CCNYL1: variants seen among roughly 807,000 people sequenced by gnomAD.
CCNYL1 encodes the protein cyclin-Y-like protein 1.
A neutral mutation model predicts 44.2 loss-of-function variants in CCNYL1; 16 were observed. That is an observed-to-expected ratio of 0.36 (90% CI 0.25 to 0.55). The LOEUF is 0.55. Ranked by LOEUF, CCNYL1 falls within the 20% of genes least tolerant of loss-of-function variation. The probability of loss-of-function intolerance (pLI) is 0.85; values close to 1 mark genes in which losing one functional copy is unlikely to be tolerated. For synonymous variants in CCNYL1, 159 were observed against 163.2 expected, an observed-to-expected ratio of 0.97 and a Z score of 0.20; for missense variants, 348 against 451.8, an observed-to-expected ratio of 0.77 and a Z score of 2.08.
chr2:207,714,523 C>A, intron 1 of CCNYL1: 1 of 285,248 alleles, frequency 3.5e-6, no homozygotes, highest in Non-Finnish European at 6.9e-6. Flanking sequence ...AACAAAATGG[C>A]CTAAATATAC....
chr2:207,711,881 G>A lies in CCNYL1; in HGVS notation c.-16G>A, dbSNP rs1049177412. 11 of 1,367,654 alleles carry A rather than the reference G, an allele frequency of 8.0e-6. No homozygotes were observed. The highest frequency in any genetic ancestry group is 9.5e-6 in the Non-Finnish European group (10 of 1,055,822). The allele number at this position is 1,367,654 out of a possible 1,614,324, so 84.7% of individuals were successfully genotyped here. ...GGGCGAGCGAAGGCGGTGGCAGAGA[G>A]GAGCGGAGGCTTCCCATGGGGAACA... is the stretch of plus-strand genomic sequence containing the variant. On this transcript the variant is annotated 5_prime_UTR_variant, in exon 1 of 10. Transcript: ENST00000295414.
In CCNYL1 at chr2:207,754,514, G is replaced by A. The variant is rs531060205; in HGVS notation, c.*816G>A. ...GGTGGTTCAGTGACGATGAGAAAAA[G>A]TGAAGCAGTTTTAAGCTTGAATATA... On this transcript the variant is annotated 3_prime_UTR_variant, in exon 10 of 10. Coordinates refer to ENST00000295414, the MANE Select transcript of CCNYL1 (RefSeq NM_001330218.2). 6.5e-6 allele frequency: 1 copy of A among 152,792 alleles called. No individual in the cohort carries two copies. Among genetic ancestry groups the A allele is most frequent in the Admixed American group, 6.5e-5 (1 of 15,306 alleles). The allele number at this position is 152,792 out of a possible 1,614,324, so 9.5% of individuals were successfully genotyped here.
intron 1 of CCNYL1, among the ~76,000 whole-genome samples, chr2:207,720,042 G>T (rs1233523674): frequency 2.0e-5 from 3 of 151,982 alleles, no homozygotes; most frequent in Non-Finnish European, 2.9e-5. Flanking sequence ...ACAAAAATTA[G>T]TTGGGTGTGG....
intron 9 of CCNYL1, among the ~76,000 whole-genome samples, chr2:207,752,157 A>C (rs2091897912): frequency 6.6e-6 from 1 of 152,204 alleles, no homozygotes. Flanking sequence ...TATGTATCAC[A>C]GTGCAGTCCC....
rs971998316 is a variant in CCNYL1, at chr2:207,737,357, G to A, written c.432-54G>A. 5 of 1,362,730 alleles carry A rather than the reference G, an allele frequency of 3.7e-6. No homozygotes were observed. The African/African-American group carries it at 5.7e-5, about 16-fold the overall frequency. 84.4% of individuals were successfully genotyped at this position (1,362,730 alleles called of 1,614,324 possible). A position where few individuals can be genotyped will look rare whatever the true frequency, so the allele number is the denominator to read the frequency against. On this transcript the variant is annotated intron_variant, in intron 4 of 9. Transcript: ENST00000295414. ...TCCCTCATTTAAAAAATGTCTTCAGGCCTAACAAATGTTTAAATCAGTTGT... is the reference window on the plus strand; with the variant it reads ...TCCCTCATTTAAAAAATGTCTTCAGACCTAACAAATGTTTAAATCAGTTGT...
At chr2:207,729,051 C>T (rs374480250) in intron 3 of CCNYL1, among the ~76,000 whole-genome samples, 48 of 152,272 alleles carry the variant, frequency 3.2e-4, no homozygotes, top group African/African-American at 8.4e-4. Flanking sequence ...CCCGCCTCGG[C>T]GTCCCAAAGT....
intron 3 of CCNYL1, among the ~76,000 whole-genome samples, chr2:207,729,113 A>C (rs943640250): frequency 6.6e-6 from 1 of 151,980 alleles, no homozygotes; most frequent in Non-Finnish European, 1.5e-5. Flanking sequence ...TTTTCTTTTT[A>C]TTGGGACCAA....
Position 207,754,325 on chromosome 2 carries a change from T to C in CCNYL1, c.*627T>C, listed in dbSNP as rs1367951119. 2 of 152,684 alleles carry C rather than the reference T, an allele frequency of 1.3e-5. No homozygotes were observed. The highest frequency in any genetic ancestry group is 4.8e-5 in the African/African-American group (2 of 41,466). The allele number at this position is 152,684 out of a possible 1,614,324, so 9.5% of individuals were successfully genotyped here. ...CAAGCATTACTTTAGCATTTTAGCA[T>C]GTTTGGGGTCATAAACAGAGGAAGT... On this transcript the variant is annotated 3_prime_UTR_variant, in exon 10 of 10. Coordinates refer to ENST00000295414, the MANE Select transcript of CCNYL1 (RefSeq NM_001330218.2).
At chr2:207,752,883 C>CA (rs1412204140) in intron 9 of CCNYL1, among the ~76,000 whole-genome samples, 2 of 149,070 alleles carry the variant, frequency 1.3e-5, no homozygotes, top group African/African-American at 4.9e-5. Flanking sequence ...ACTAAAAATA[C>CA]AAAAAATTAG....
chr2:207,726,435 CTGGTTCT>C (rs2091680477), intron 2 of CCNYL1, among the ~76,000 whole-genome samples: 1 of 152,166 alleles, frequency 6.6e-6, no homozygotes, highest in Admixed American at 6.5e-5. Flanking sequence ...TAGCCAGAAA[CTGGTTCT>C]TAGAGCTGTC....
At chr2:207,742,387 G>A in intron 7 of CCNYL1, 45 bp downstream of exon 7, 1 of 1,565,278 alleles carries the variant, frequency 6.4e-7, no homozygotes, top group Non-Finnish European at 8.7e-7. Context: ...AATTAGTCTT[G>A]TACACAGGGT....
Position 207,730,615 on chromosome 2 carries a change from G to A in CCNYL1, c.331-3332G>A, listed in dbSNP as rs145308490. Reference sequence around the variant, plus strand: ...TCTACTAAAAATATAAAAATTAGCCGGGTGTGGTGGTGCACACCTGTAATC... The same window carrying A: ...TCTACTAAAAATATAAAAATTAGCCAGGTGTGGTGGTGCACACCTGTAATC... On this transcript the variant is annotated intron_variant, in intron 3 of 9. Transcript: ENST00000295414. Among the ~76,000 whole-genome samples, 644 of 152,144 alleles carry A rather than the reference G, an allele frequency of 4.2e-3. 4 individuals are homozygous for A. The highest frequency in any genetic ancestry group is 5.7e-3 in the Non-Finnish European group (387 of 68,002).
At chr2:207,717,096 G>C (rs564133045) in intron 1 of CCNYL1, among the ~76,000 whole-genome samples, 1 of 144,482 alleles carries the variant, frequency 6.9e-6, no homozygotes, top group East Asian at 2.0e-4. Flanking sequence ...GTGACGGAGC[G>C]AGACTCCATC....
rs1300682522 is a variant in CCNYL1 at position 207,756,066 on chromosome 2, G to T, written c.*2368G>T. 1.3e-5 allele frequency: 2 copies of T among 152,156 alleles called. No homozygotes were observed. Among genetic ancestry groups the T allele is most frequent in the African/African-American group, 4.8e-5 (2 of 41,440 alleles). The allele number at this position is 152,156 out of a possible 1,614,324, so 9.4% of individuals were successfully genotyped here. A position where few individuals can be genotyped will look rare whatever the true frequency, so the allele number is the denominator to read the frequency against. On this transcript the variant is annotated 3_prime_UTR_variant, in exon 10 of 10. Transcript: ENST00000295414. ...TATTGTTTATGGAATTCAGAGTTTG[G>T]AGATTCAAGTATTGATTGCAGTTTT...
At chr2:207,722,794 A>C (rs1050221255) in intron 1 of CCNYL1, among the ~76,000 whole-genome samples, 1 of 152,066 alleles carries the variant, frequency 6.6e-6, no homozygotes, top group African/African-American at 2.4e-5. Context: ...CCCAGTCCCT[A>C]CTAAAAATAC....
At chr2:207,726,025 T>A (rs528636515) in intron 2 of CCNYL1, among the ~76,000 whole-genome samples, 1 of 152,244 alleles carries the variant, frequency 6.6e-6, no homozygotes, top group East Asian at 1.9e-4. Context: ...CTGGTTAGGA[T>A]AGTTGTATTT....
chr2:207,731,019 T>C (rs923144207), intron 3 of CCNYL1, among the ~76,000 whole-genome samples: 1 of 152,216 alleles, frequency 6.6e-6, no homozygotes, highest in Non-Finnish European at 1.5e-5. Context: ...TTTTTAGTTA[T>C]AATAAGCATA....
intron 8 of CCNYL1, 152 bp downstream of exon 8, chr2:207,747,365 T>C: frequency 3.7e-6 from 2 of 538,584 alleles, no homozygotes; most frequent in Non-Finnish European, 6.1e-6. Context: ...AGTATAACAG[T>C]TCACAATAGA....
chr2:207,729,264 CCA>C (rs2091705189), intron 3 of CCNYL1, among the ~76,000 whole-genome samples: 16 of 104,196 alleles, frequency 1.5e-4, no homozygotes, highest in African/African-American at 7.6e-4. Context: ...CCCCCCGCCC[CCA>C]CCCCACCCCC....
Sources: gnomAD v4.1 joint callset for allele counts (sites outside exome capture counted in the v4.1 genomes callset) on GRCh38, gnomAD v4.1.1 for gene constraint, MANE v1.5 for transcripts, NCBI Gene and HGNC (gene_info 2026-07-23, HGNC 2026-07-21) for gene names.